SRPK2: variants seen among roughly 807,000 people sequenced by gnomAD.
SRPK2 encodes SFRS protein kinase 2.
A neutral mutation model predicts 90.8 loss-of-function variants in SRPK2; 21 were observed. The ratio of observed to expected loss-of-function variants is 0.23; its 90% confidence interval spans 0.16 to 0.33. The LOEUF (loss-of-function observed/expected upper bound fraction) is 0.33. Among genes scored for constraint, SRPK2 ranks in the 10% least tolerant of loss-of-function variants. The probability of loss-of-function intolerance (pLI) is 1.00; values close to 1 mark genes in which losing one functional copy is unlikely to be tolerated. For missense variants in SRPK2, 620 were observed against 869.0 expected, an observed-to-expected ratio of 0.71 and a Z score of 3.60; for synonymous variants, 288 against 311.1, an observed-to-expected ratio of 0.93 and a Z score of 0.78.
intron 2 of SRPK2, among the ~76,000 whole-genome samples, chr7:105,382,998 A>G (rs1010921451): frequency 6.6e-6 from 1 of 150,446 alleles, no homozygotes; most frequent in East Asian, 1.9e-4. Context: ...TACACAAAGA[A>G]CTCTGTACCA....
In SRPK2 at chr7:105,117,658, C is replaced by G; in HGVS notation, c.*180G>C. 1.6e-6 allele frequency: 1 copy of G among 626,422 alleles called. No homozygotes were observed. The highest frequency in any genetic ancestry group is 2.7e-6 in the Non-Finnish European group (1 of 366,420). 38.8% of individuals were successfully genotyped at this position (626,422 alleles called of 1,614,324 possible). A position where few individuals can be genotyped will look rare whatever the true frequency, so the allele number is the denominator to read the frequency against. On this transcript the variant is annotated 3_prime_UTR_variant, in exon 16 of 16. Transcript: ENST00000393651. ...TACTTAGCTGAAGACAAAAGACTACCCTTCCCCAGGATCACAGTGCACAAA... is the reference window on the plus strand; with the variant it reads ...TACTTAGCTGAAGACAAAAGACTACGCTTCCCCAGGATCACAGTGCACAAA...
intron 13 of SRPK2, among the ~76,000 whole-genome samples, chr7:105,131,457 G>T (rs978448025): frequency 6.6e-6 from 1 of 152,172 alleles, no homozygotes; most frequent in Non-Finnish European, 1.5e-5. Flanking sequence ...CTTGGTTTTT[G>T]ATATGGAAGA....
chr7:105,385,146 A>G (rs1331186425), intron 2 of SRPK2, among the ~76,000 whole-genome samples: 1 of 131,976 alleles, frequency 7.6e-6, no homozygotes, highest in Non-Finnish European at 1.6e-5. Context: ...TGCTGGGATT[A>G]CAGGCGTGAG....
chr7:105,143,902 C>A lies in SRPK2; in HGVS notation c.814-572G>T, dbSNP rs561146560. On this transcript the variant is annotated intron_variant, in intron 9 of 15. Transcript: ENST00000393651. ...CTGACTTGCAAAGCACTGGCAATGACAGCCTCCAACCTTTCAATCAATCAG... is the reference window on the plus strand; with the variant it reads ...CTGACTTGCAAAGCACTGGCAATGAAAGCCTCCAACCTTTCAATCAATCAG... The A allele has an allele frequency of 2.6e-5, 4 of 152,900 alleles. No homozygotes were observed. In the East Asian group the frequency reaches 7.7e-4, roughly 29 times the overall value. The allele number at this position is 152,900 out of a possible 1,614,324, so 9.5% of individuals were successfully genotyped here. A position where few individuals can be genotyped will look rare whatever the true frequency, so the allele number is the denominator to read the frequency against.
intron 2 of SRPK2, among the ~76,000 whole-genome samples, chr7:105,216,442 A>G (rs1174489694): frequency 1.3e-5 from 2 of 152,192 alleles, no homozygotes; most frequent in East Asian, 3.9e-4. Flanking sequence ...AACTCCTTTC[A>G]GGAGTTCAAG....
At chr7:105,359,146 A>ATAT (rs1818138641) in intron 2 of SRPK2, among the ~76,000 whole-genome samples, 2 of 123,452 alleles carry the variant, frequency 1.6e-5, no homozygotes, top group Non-Finnish European at 3.3e-5. Context: ...TATCCAAACC[A>ATAT]CAGCTTTTTT....
chr7:105,383,470 G>A (rs1585999283), intron 2 of SRPK2, among the ~76,000 whole-genome samples: 2 of 151,438 alleles, frequency 1.3e-5, no homozygotes, highest in Admixed American at 1.3e-4. Flanking sequence ...ACCCAGGCTG[G>A]AGTGCAGCGG....
chr7:105,154,643 A>G (rs1416893045), intron 7 of SRPK2, among the ~76,000 whole-genome samples: 1 of 152,102 alleles, frequency 6.6e-6, no homozygotes, highest in African/African-American at 2.4e-5. Flanking sequence ...ATCTGGTTAC[A>G]TATTATAATA....
At chr7:105,204,543 C>T (rs1420217696) in intron 2 of SRPK2, 4 of 407,544 alleles carry the variant, frequency 9.8e-6, no homozygotes, top group African/African-American at 2.1e-5. Context: ...GCCGGAAGCA[C>T]ATCTCTCCCT....
At chr7:105,201,411 C>T (rs2129609518) in intron 3 of SRPK2, among the ~76,000 whole-genome samples, 1 of 152,158 alleles carries the variant, frequency 6.6e-6, no homozygotes, top group African/African-American at 2.4e-5. Flanking sequence ...GAAACAGCCC[C>T]GGCTGTGGAA....
At chr7:105,316,915 C>T (rs1359559238) in intron 2 of SRPK2, among the ~76,000 whole-genome samples, 1 of 152,170 alleles carries the variant, frequency 6.6e-6, no homozygotes. Context: ...GTGTACATGA[C>T]AGTTATGAGG....
chr7:105,312,659 C>T (rs1187438454), intron 2 of SRPK2, among the ~76,000 whole-genome samples: 1 of 152,102 alleles, frequency 6.6e-6, no homozygotes, highest in East Asian at 1.9e-4. Flanking sequence ...TTCCTGAATC[C>T]ATAAGTCACT....
intron 13 of SRPK2, among the ~76,000 whole-genome samples, chr7:105,129,119 G>C (rs985638015): frequency 1.3e-5 from 2 of 152,076 alleles, no homozygotes; most frequent in Non-Finnish European, 2.9e-5. Context: ...CCGCCACCAC[G>C]CCCGGCTAAT....
chr7:105,205,509 TCTCTCTCTCACACACACA>T (rs1420647696), intron 2 of SRPK2, among the ~76,000 whole-genome samples: 2 of 67,362 alleles, frequency 3.0e-5, no homozygotes, highest in Non-Finnish European at 5.7e-5. Context: ...TCTCTCTCTC[TCTCTCTCTCACACACACA>T]CACACACACA....
intron 2 of SRPK2, among the ~76,000 whole-genome samples, chr7:105,322,064 T>C (rs565430884): frequency 6.7e-4 from 102 of 152,250 alleles, no homozygotes; most frequent in African/African-American, 2.4e-3. Context: ...AACAAATGAA[T>C]GGATGAACAA....
Position 105,244,882 on chromosome 7 carries a change from T to A in SRPK2, c.72-41097A>T, listed in dbSNP as rs1395516789. 5 of 1,343,964 alleles carry A rather than the reference T, an allele frequency of 3.7e-6. No individual in the cohort carries two copies. The African/African-American group carries it at 7.2e-5, about 19-fold the overall frequency. 83.3% of individuals were successfully genotyped at this position (1,343,964 alleles called of 1,614,324 possible). A position where few individuals can be genotyped will look rare whatever the true frequency, so the allele number is the denominator to read the frequency against. On this transcript the variant is annotated intron_variant, in intron 2 of 15. Coordinates refer to ENST00000393651, the MANE Select transcript of SRPK2 (RefSeq NM_182692.3). The stretch of plus-strand genomic sequence containing the variant: ...GTCCTCAAGTTCATCAAGAAAAGGG[T>A]GTGGGCGCACATCCGCGCCAAGAGG...
chr7:105,148,368 A>G (rs936620515), intron 7 of SRPK2, among the ~76,000 whole-genome samples: 1 of 152,246 alleles, frequency 6.6e-6, no homozygotes, highest in Non-Finnish European at 1.5e-5. Context: ...CAAGATATTC[A>G]TATTTCTCAT....
Position 105,288,421 on chromosome 7 carries a change from T to C in SRPK2, c.72-84636A>G, listed in dbSNP as rs192350739. Reference sequence around the variant, plus strand: ...TCAGCCTGGCCAACACAGTGAACCCTATCTCTACTAAAAATATAAAAAATT... The same window carrying C: ...TCAGCCTGGCCAACACAGTGAACCCCATCTCTACTAAAAATATAAAAAATT... On this transcript the variant is annotated intron_variant, in intron 2 of 15. Coordinates refer to ENST00000393651, the MANE Select transcript of SRPK2 (RefSeq NM_182692.3). Among the ~76,000 whole-genome samples, 53 of 152,092 alleles carry C rather than the reference T, an allele frequency of 3.5e-4. No homozygotes were observed. The East Asian group carries it at 8.3e-3, about 24-fold the overall frequency.
At chr7:105,282,171 A>G (rs1254299734) in intron 2 of SRPK2, among the ~76,000 whole-genome samples, 4 of 152,180 alleles carry the variant, frequency 2.6e-5, no homozygotes, top group South Asian at 4.1e-4. Context: ...AAACCCTCAC[A>G]TTACAATCAA....
Sources: allele counts gnomAD v4.1 joint callset (sites outside exome capture counted in the v4.1 genomes callset), GRCh38; gene constraint gnomAD v4.1.1; transcripts MANE v1.5; gene names NCBI Gene and HGNC (gene_info 2026-07-23, HGNC 2026-07-21).